The following TFDP2 variants were observed in gnomAD, a reference collection of about 807,000 sequenced individuals.
The protein encoded by TFDP2 is transcription factor Dp-2.
Under a neutral mutation model 59.3 loss-of-function variants are expected in TFDP2, and 17 were observed. The observed-to-expected ratio is 0.29, with a 90% confidence interval of 0.20 to 0.43. The LOEUF is 0.43. TFDP2 is among the 20% of genes least tolerant of loss of function. The pLI is 1.00. For missense variants in TFDP2, 391 were observed against 528.8 expected, an observed-to-expected ratio of 0.74 and a Z score of 2.56; for synonymous variants, 180 against 194.7, an observed-to-expected ratio of 0.92 and a Z score of 0.63.
chr3:142,007,262 T>A (rs1944293429), intron 3 of TFDP2, among the ~76,000 whole-genome samples: 1 of 152,230 alleles, frequency 6.6e-6, no homozygotes, highest in African/African-American at 2.4e-5. Context: ...ATTCTATTTC[T>A]TGTACCCACT....
At position 141,949,760 on chromosome 3, in the gene TFDP2, G is replaced by C. The variant is rs552233216; in HGVS notation, c.*2753C>G. On this transcript the variant is annotated 3_prime_UTR_variant, in exon 13 of 13. Transcript: ENST00000489671. ...TGATCTGTGTGTGGCAAGTAACCCA[G>C]CGTGCCACTATAACAAAGAAGCCTG... The C allele has an allele frequency of 6.6e-6, 1 of 150,658 alleles. No individual in the cohort carries two copies. Among genetic ancestry groups the C allele is most frequent in the Admixed American group, 6.6e-5 (1 of 15,114 alleles). 9.3% of individuals were successfully genotyped at this position (150,658 alleles called of 1,614,324 possible).
intron 3 of TFDP2, among the ~76,000 whole-genome samples, chr3:142,052,088 T>C (rs963709400): frequency 2.0e-5 from 3 of 152,088 alleles, no homozygotes; most frequent in Non-Finnish European, 2.9e-5. Flanking sequence ...ACTGCACTAC[T>C]GCACTCCGGC....
At chr3:142,075,906 CAAAAA>C (rs60581045) in intron 3 of TFDP2, among the ~76,000 whole-genome samples, 2 of 80,708 alleles carry the variant, frequency 2.5e-5, no homozygotes, top group Non-Finnish European at 2.3e-5. Context: ...GAACCTGCCT[CAAAAA>C]AAAAAAAAAA....
intron 3 of TFDP2, among the ~76,000 whole-genome samples, chr3:142,020,460 G>A (rs112640001): frequency 0.07 from 10,546 of 150,140 alleles, 471 homozygotes; most frequent in Middle Eastern, 0.11. Context: ...GCTTGCACTC[G>A]GGAAGTGGAG....
intron 1 of TFDP2, among the ~76,000 whole-genome samples, chr3:142,108,788 TC>T (rs1273314306): frequency 6.6e-6 from 1 of 152,168 alleles, no homozygotes; most frequent in Non-Finnish European, 1.5e-5. Flanking sequence ...TAAACTCCTT[TC>T]CCACACCTCT....
At chr3:142,137,130 T>A (rs1234906276) in intron 1 of TFDP2, among the ~76,000 whole-genome samples, 2 of 151,022 alleles carry the variant, frequency 1.3e-5, no homozygotes, top group East Asian at 3.9e-4. Flanking sequence ...CCTAGGTATT[T>A]TACTCTCTTT....
intron 1 of TFDP2, among the ~76,000 whole-genome samples, chr3:142,103,448 T>C (rs2061376650): frequency 6.6e-6 from 1 of 152,124 alleles, no homozygotes; most frequent in Non-Finnish European, 1.5e-5. Context: ...ACTTGGAGTT[T>C]TCTTTTCCTC....
intron 3 of TFDP2, among the ~76,000 whole-genome samples, chr3:142,091,195 C>T (rs2060986661): frequency 6.6e-6 from 1 of 152,078 alleles, no homozygotes; most frequent in African/African-American, 2.4e-5. Flanking sequence ...CCTAGTGCAT[C>T]CCACAAATGT....
chr3:142,087,138 T>G (rs1216241401), intron 3 of TFDP2, among the ~76,000 whole-genome samples: 1 of 152,166 alleles, frequency 6.6e-6, no homozygotes, highest in Non-Finnish European at 1.5e-5. Context: ...ATTCAGGAAA[T>G]TACAAGGGTT....
In TFDP2 at chr3:141,992,678, C is replaced by T. The variant is rs375125771; in HGVS notation, c.356+860G>A. 5.3e-5 allele frequency among the ~76,000 whole-genome samples: 8 copies of T among 152,282 alleles called. No individual in the cohort carries two copies. In the South Asian group the frequency reaches 1.0e-3, roughly 20 times the overall value. ...GTTGAAAACGATTAGCACCAAGAAG[C>T]AAACAACAAAAGCCACCAAGGAACT... On this transcript the variant is annotated intron_variant, in intron 6 of 12. Transcript: ENST00000489671.
intron 11 of TFDP2, among the ~76,000 whole-genome samples, chr3:141,955,278 A>G (rs766358387): frequency 3.9e-5 from 6 of 152,224 alleles, no homozygotes; most frequent in Non-Finnish European, 8.8e-5. Flanking sequence ...CGAGAGGCAC[A>G]TGTTTCTTCC....
Position 142,079,247 on chromosome 3 carries a change from G to A in TFDP2, c.82+13814C>T, listed in dbSNP as rs529761818. ...GAACCCGGGAGGCAGAGGTTTCAGT[G>A]AGCTGAGATTGCGCCATTGCACTCC... On this transcript the variant is annotated intron_variant, in intron 3 of 12. Transcript: ENST00000489671. 2.0e-5 allele frequency among the ~76,000 whole-genome samples: 3 copies of A among 152,150 alleles called. No individual in the cohort carries two copies. The South Asian group carries it at 6.2e-4, about 32-fold the overall frequency.
intron 1 of TFDP2, among the ~76,000 whole-genome samples, chr3:142,133,835 T>C (rs937830650): frequency 4.0e-5 from 6 of 150,800 alleles, no homozygotes; most frequent in Non-Finnish European, 7.4e-5. Context: ...TTTTAAACCA[T>C]GGTTTTACCT....
At chr3:141,956,240 C>T (rs1177246679) in intron 11 of TFDP2, among the ~76,000 whole-genome samples, 4 of 152,124 alleles carry the variant, frequency 2.6e-5, no homozygotes, top group South Asian at 2.1e-4. Context: ...TTCAAGTATA[C>T]TCAGTATAAC....
In TFDP2 at chr3:141,946,283, T is replaced by A. The variant is rs139007842; in HGVS notation, c.*6230A>T. 2 of 152,396 alleles carry A rather than the reference T, an allele frequency of 1.3e-5. No homozygotes were observed. Among genetic ancestry groups the A allele is most frequent in the Non-Finnish European group, 2.9e-5 (2 of 68,056 alleles). 9.4% of individuals were successfully genotyped at this position (152,396 alleles called of 1,614,324 possible). On this transcript the variant is annotated 3_prime_UTR_variant, in exon 13 of 13. Coordinates refer to ENST00000489671, the MANE Select transcript of TFDP2 (RefSeq NM_001178139.2). The stretch of plus-strand genomic sequence containing the variant: ...AGACCTGCGGCGAAGGGGCGAGGCC[T>A]GACCCTGAGCATCAGCTACGTTGGC...
intron 11 of TFDP2, among the ~76,000 whole-genome samples, chr3:141,958,257 TAAAC>T (rs1297526586): frequency 6.6e-6 from 1 of 152,070 alleles, no homozygotes; most frequent in Admixed American, 6.5e-5. Flanking sequence ...TTCAGTAAAA[TAAAC>T]AGATAAGCTG....
rs2062540430 is a variant in TFDP2 at position 142,132,166 on chromosome 3, G to T, written c.-93+17017C>A. ...TTTGCAATATAAAGGGATGATTATT[G>T]ATATACTCTGCAGCATGCATAAACC... On this transcript the variant is annotated intron_variant, in intron 1 of 12. Transcript: ENST00000489671. Among the ~76,000 whole-genome samples the T allele has an allele frequency of 2.0e-5, 3 of 150,108 alleles. No homozygotes were observed. In the South Asian group the frequency reaches 6.2e-4, roughly 31 times the overall value.
intron 3 of TFDP2, among the ~76,000 whole-genome samples, chr3:142,023,207 T>C (rs1313345956): frequency 6.6e-6 from 1 of 151,104 alleles, no homozygotes; most frequent in Non-Finnish European, 1.5e-5. Context: ...TTATTTGAGA[T>C]AGAGTCTTGT....
At chr3:141,988,638 TG>T (rs983007155) in intron 6 of TFDP2, among the ~76,000 whole-genome samples, 2 of 151,772 alleles carry the variant, frequency 1.3e-5, no homozygotes, top group Non-Finnish European at 2.9e-5. Flanking sequence ...TTTAATATCT[TG>T]AAGAACTGTT....
Sources: gnomAD v4.1 joint callset for allele counts (sites outside exome capture counted in the v4.1 genomes callset) on GRCh38, gnomAD v4.1.1 for gene constraint, MANE v1.5 for transcripts, NCBI Gene and HGNC (gene_info 2026-07-23, HGNC 2026-07-21) for gene names.